ERC2: variants seen among roughly 807,000 people sequenced by gnomAD.
ERC2 encodes ELKS/RAB6-interacting/CAST family member 2.
ERC2 carries 42 observed loss-of-function variants against 114.8 expected under a neutral mutation model. That is an observed-to-expected ratio of 0.37 (90% confidence interval 0.29 to 0.47). The LOEUF (loss-of-function observed/expected upper bound fraction) is 0.47. ERC2 is among the 20% of genes least tolerant of loss of function. The probability of loss-of-function intolerance (pLI) is 0.99; values close to 1 mark genes in which losing one functional copy is unlikely to be tolerated. For missense variants in ERC2, 939 were observed against 1,150.7 expected, an observed-to-expected ratio of 0.82 and a Z score of 2.66; for synonymous variants, 454 against 425.5, an observed-to-expected ratio of 1.07 and a Z score of -0.82.
At chr3:55,574,386 T>C (rs1271861076) in intron 17 of ERC2, among the ~76,000 whole-genome samples, 2 of 152,134 alleles carry the variant, frequency 1.3e-5, no homozygotes, top group Admixed American at 6.5e-5. Context: ...TCCCAAGTCA[T>C]CTGGCCGATG....
chr3:55,707,925 A>C (rs545319591), intron 15 of ERC2, among the ~76,000 whole-genome samples: 25 of 152,222 alleles, frequency 1.6e-4, no homozygotes, highest in Non-Finnish European at 3.2e-4. Flanking sequence ...GGATTAAGCA[A>C]CTAATCAGAG....
At chr3:55,733,534 TCTCTCTCTCACACACACACA>T (rs1276484464) in intron 15 of ERC2, among the ~76,000 whole-genome samples, 12 of 55,568 alleles carry the variant, frequency 2.2e-4, no homozygotes, top group Non-Finnish European at 3.1e-4. Flanking sequence ...TCATTCTTTC[TCTCTCTCTCACACACACACA>T]CACACACACA....
chr3:56,026,459 A>G (rs1039497152), intron 7 of ERC2, among the ~76,000 whole-genome samples: 2 of 152,174 alleles, frequency 1.3e-5, no homozygotes, highest in Non-Finnish European at 2.9e-5. Context: ...AGAAGGCAAC[A>G]TATAGCTGTC....
intron 16 of ERC2, among the ~76,000 whole-genome samples, chr3:55,691,622 GC>G (rs2062674320): frequency 7.5e-6 from 1 of 133,490 alleles, no homozygotes; most frequent in East Asian, 2.3e-4. Context: ...ATCTGGGCAA[GC>G]TTTAGACATA....
At chr3:56,151,045 T>C (rs1449423959) in intron 4 of ERC2, among the ~76,000 whole-genome samples, 1 of 152,134 alleles carries the variant, frequency 6.6e-6, no homozygotes, top group East Asian at 1.9e-4. Flanking sequence ...AACCTTATCA[T>C]GCTGGCACCC....
chr3:55,628,654 C>T (rs964856369), intron 17 of ERC2, among the ~76,000 whole-genome samples: 5 of 152,074 alleles, frequency 3.3e-5, no homozygotes, highest in Admixed American at 1.3e-4. Context: ...GATTCCAGTC[C>T]TAAAGGCTCA....
chr3:55,765,211 G>T (rs2067693446), intron 14 of ERC2, among the ~76,000 whole-genome samples: 1 of 152,152 alleles, frequency 6.6e-6, no homozygotes, highest in African/African-American at 2.4e-5. Flanking sequence ...GGGCCCATAT[G>T]TGACTGTAAT....
intron 6 of ERC2, among the ~76,000 whole-genome samples, chr3:56,099,083 G>T (rs577538965): frequency 7.9e-5 from 12 of 152,274 alleles, no homozygotes; most frequent in East Asian, 1.9e-4. Context: ...CCAAAGATGA[G>T]TGTCCTTATA....
At chr3:55,618,375 T>A (rs2059205789) in intron 17 of ERC2, among the ~76,000 whole-genome samples, 1 of 152,214 alleles carries the variant, frequency 6.6e-6, no homozygotes, top group Non-Finnish European at 1.5e-5. Flanking sequence ...TTTAGGAATT[T>A]ATTCCAAAGA....
At chr3:55,939,505 G>C (rs1399823997) in intron 13 of ERC2, among the ~76,000 whole-genome samples, 1 of 152,204 alleles carries the variant, frequency 6.6e-6, no homozygotes, top group African/African-American at 2.4e-5. Context: ...AATATGCACA[G>C]TATTCTTAAC....
At chr3:55,544,310 A>T (rs1307167022) in intron 17 of ERC2, among the ~76,000 whole-genome samples, 2 of 152,230 alleles carry the variant, frequency 1.3e-5, no homozygotes, top group East Asian at 1.9e-4. Context: ...CCACTCACAC[A>T]TGTGGCCCAG....
chr3:56,320,103 T>C (rs1468798598), intron 2 of ERC2, among the ~76,000 whole-genome samples: 1 of 152,096 alleles, frequency 6.6e-6, no homozygotes, highest in Non-Finnish European at 1.5e-5. Context: ...TCCAAGGGAA[T>C]ACAACGGGGA....
chr3:55,998,652 C>T (rs2071790292), intron 10 of ERC2, among the ~76,000 whole-genome samples: 1 of 152,156 alleles, frequency 6.6e-6, no homozygotes, highest in African/African-American at 2.4e-5. Context: ...TAAAAAGAAA[C>T]TGCTATATCC....
chr3:55,962,894 G>A (rs556535564), intron 12 of ERC2, among the ~76,000 whole-genome samples: 1 of 152,306 alleles, frequency 6.6e-6, no homozygotes, highest in East Asian at 1.9e-4. Context: ...GCTCTATGGA[G>A]CACAAATGGG....
At chr3:55,889,534 C>T (rs1215602265) in intron 13 of ERC2, among the ~76,000 whole-genome samples, 1 of 152,152 alleles carries the variant, frequency 6.6e-6, no homozygotes, top group Non-Finnish European at 1.5e-5. Flanking sequence ...TGAGGCAAAG[C>T]CTTATCCTCC....
At chr3:56,323,992 C>T (rs1490429527) in intron 2 of ERC2, among the ~76,000 whole-genome samples, 1 of 152,162 alleles carries the variant, frequency 6.6e-6, no homozygotes, top group Non-Finnish European at 1.5e-5. Flanking sequence ...TTGAGGACAG[C>T]CCTGTTCTGG....
chr3:55,949,141 G>A lies in ERC2; in HGVS notation c.2403+1284C>T, dbSNP rs571697708. Among the ~76,000 whole-genome samples the A allele has an allele frequency of 8.0e-3, 1,209 of 152,068 alleles. 16 individuals carry two copies. The highest frequency in any genetic ancestry group is 0.027 in the African/African-American group (1,116 of 41,486). ...TCCCAGCACTTTGGGAGGCCGAGGC[G>A]GGCGGATCATGAGGTCACGAGATGG... On this transcript the variant is annotated intron_variant, in intron 13 of 17. Coordinates refer to ENST00000288221, the MANE Select transcript of ERC2 (RefSeq NM_015576.3).
chr3:55,769,705 T>C (rs917253483), intron 14 of ERC2, among the ~76,000 whole-genome samples: 3 of 152,172 alleles, frequency 2.0e-5, no homozygotes, highest in Non-Finnish European at 4.4e-5. Flanking sequence ...TTGGTTACTA[T>C]ATCTGAGTGC....
intron 2 of ERC2, among the ~76,000 whole-genome samples, chr3:56,353,917 T>A (rs868033451): frequency 2.0e-5 from 3 of 152,028 alleles, no homozygotes; most frequent in African/African-American, 7.2e-5. Context: ...TTAATCCTTA[T>A]AATGATAATA....
Sources: allele counts gnomAD v4.1 joint callset (sites outside exome capture counted in the v4.1 genomes callset), GRCh38; gene constraint gnomAD v4.1.1; transcripts MANE v1.5; gene names NCBI Gene and HGNC (gene_info 2026-07-23, HGNC 2026-07-21).